H2AZ1: variants seen among roughly 807,000 people sequenced by gnomAD.
H2AZ1 encodes H2A.Z variant histone 1.
Under a neutral mutation model 16.6 loss-of-function variants are expected in H2AZ1, and 3 were observed. That is an observed-to-expected ratio of 0.18 (90% CI 0.08 to 0.47). The LOEUF (loss-of-function observed/expected upper bound fraction) is 0.47, where lower values mean the gene tolerates loss of function less well. Ranked by LOEUF, H2AZ1 falls within the 20% of genes least tolerant of loss-of-function variation. H2AZ1 has a pLI of 0.98. For synonymous variants in H2AZ1, 78 were observed against 60.7 expected (o/e 1.28, Z -1.32); for missense variants, 27 against 163.6 (o/e 0.17, Z 4.55).
intron 3 of H2AZ1, 26 bp from the exon 4 acceptor site, chr4:99,948,966 C>A: frequency 7.4e-7 from 1 of 1,356,874 alleles, no homozygotes; most frequent in Non-Finnish European, 1.1e-6. Context: ...TGTCAGTTGC[C>A]TTCCAACTTT....
Position 99,950,252 on chromosome 4 carries a change from T to C in H2AZ1, c.-82A>G. ...CGGTGAGATCCCACCACCTACTCCT[T>C]CGTCGCACCGCGATTCAAACTGCGC... On this transcript the variant is annotated 5_prime_UTR_variant, in exon 1 of 5. Coordinates refer to ENST00000296417, the MANE Select transcript of H2AZ1 (RefSeq NM_002106.4). 3 of 1,323,310 alleles carry C rather than the reference T, an allele frequency of 2.3e-6. No homozygotes were observed. Among genetic ancestry groups the C allele is most frequent in the Non-Finnish European group, 3.2e-6 (3 of 930,376 alleles). The allele number at this position is 1,323,310 out of a possible 1,614,324, so 82.0% of individuals were successfully genotyped here. A position where few individuals can be genotyped will look rare whatever the true frequency, so the allele number is the denominator to read the frequency against.
chr4:99,949,840 G>A, intron 1 of H2AZ1, 100 bp from the exon 2 acceptor site: 1 of 914,136 alleles, frequency 1.1e-6, no homozygotes, highest in Non-Finnish European at 1.6e-6. Flanking sequence ...CGCCGCGAGC[G>A]CGTCCCCGCA....
intron 1 of H2AZ1, 125 bp from the exon 2 acceptor site, chr4:99,949,865 C>T (rs1170012923): frequency 2.3e-6 from 1 of 428,102 alleles, no homozygotes; most frequent in Non-Finnish European, 3.5e-6. Flanking sequence ...GCCGGGGTCT[C>T]CGGCCCGCGG....
chr4:99,949,596 T>C, intron 2 of H2AZ1, 67 bp downstream of exon 2: 2 of 1,454,496 alleles, frequency 1.4e-6, no homozygotes, highest in Non-Finnish European at 1.9e-6. Context: ...TCGAGAGCGA[T>C]GAATAACAAA....
In H2AZ1 at chr4:99,950,210, A is replaced by G. The variant is rs768348413; in HGVS notation, c.-40T>C. The G allele has an allele frequency of 4.4e-6, 7 of 1,602,494 alleles. No homozygotes were observed. Among genetic ancestry groups the G allele is most frequent in the Non-Finnish European group, 6.0e-6 (7 of 1,173,762 alleles). On this transcript the variant is annotated 5_prime_UTR_variant, in exon 1 of 5. Transcript: ENST00000296417. ...AAGCTCAAGCAAGCAAGGCAGAGAA[A>G]AGGCTAATCGGACCCACGGTGAGAT...
At chr4:99,950,076 C>A in intron 1 of H2AZ1, 92 bp downstream of exon 1, 1 of 1,258,522 alleles carries the variant, frequency 7.9e-7, no homozygotes. Flanking sequence ...CGTTCCCAAC[C>A]GTCGCCACTT....
intron 4 of H2AZ1, 67 bp downstream of exon 4, chr4:99,948,744 C>T (rs911775248): frequency 6.5e-7 from 1 of 1,549,168 alleles, no homozygotes; most frequent in African/African-American, 1.4e-5. Flanking sequence ...CCTGGAAAAA[C>T]TAATTAAAAG....
chr4:99,949,958 G>A, intron 1 of H2AZ1: 1 of 250,342 alleles, frequency 4.0e-6, no homozygotes, highest in Non-Finnish European at 6.8e-6. Flanking sequence ...GGCCCCCAGC[G>A]GCGCTGCGCG....
At chr4:99,950,100 C>CT in intron 1 of H2AZ1, 68 bp downstream of exon 1, 1 of 1,538,316 alleles carries the variant, frequency 6.5e-7, no homozygotes, top group South Asian at 1.1e-5. Context: ...CCCCATCCCT[C>CT]TGTGTAACGG....
intron 1 of H2AZ1, 178 bp downstream of exon 1, chr4:99,949,990 C>A (rs1489374291): frequency 4.7e-6 from 2 of 427,220 alleles, no homozygotes; most frequent in African/African-American, 4.2e-5. Context: ...CGTCGCCGCC[C>A]GCCGCGAGAT....
chr4:99,949,720 C>T lies in H2AZ1; in HGVS notation c.24G>A (p.Lys8=), dbSNP rs1312059531. 1.1e-5 allele frequency: 18 copies of T among 1,612,394 alleles called. No individual in the cohort carries two copies. The highest frequency in any genetic ancestry group is 3.3e-5 in the South Asian group (3 of 91,052). MAGGKAG[K]DSGKAKTKAV... ...CCTTTGTCTTGGCCTTTCCGGAGTC[C>T]TTTCCAGCCTTACCGCCAGCCTGCG... The change falls in exon 2 of 5, where the codon AAG becomes AAA. Residue 8 remains lysine (K), a synonymous_variant. Coordinates refer to ENST00000296417, the MANE Select transcript of H2AZ1 (RefSeq NM_002106.4).
chr4:99,949,528 A>G (rs1240001522), intron 2 of H2AZ1, 135 bp downstream of exon 2: 1 of 1,005,226 alleles, frequency 9.9e-7, no homozygotes, highest in East Asian at 2.4e-5. Context: ...CCCCATATTT[A>G]TCGTATGGGC....
chr4:99,949,441 G>T (rs1377535033), intron 2 of H2AZ1, 55 bp from the exon 3 acceptor site: 1 of 1,228,964 alleles, frequency 8.1e-7, no homozygotes, highest in East Asian at 2.3e-5. Context: ...ACTAGAGATG[G>T]GGAAATTATA....
At chr4:99,950,122 G>C in intron 1 of H2AZ1, 46 bp downstream of exon 1, 1 of 1,599,010 alleles carries the variant, frequency 6.3e-7, no homozygotes, top group African/African-American at 1.3e-5. Context: ...TTTTTCTCTC[G>C]CCGGCAAAAA....
rs766610489 is a variant in H2AZ1, at chr4:99,949,258, C to G, written c.195+15G>C. ...CCCCAAACCTTCTCCGGATTATAGG[C>G]GTTCACCCATTTACCTCTGCGGTGA... On this transcript the variant is annotated intron_variant, in intron 3 of 4. Coordinates refer to ENST00000296417, the MANE Select transcript of H2AZ1 (RefSeq NM_002106.4). The G allele has an allele frequency of 6.9e-7, 1 of 1,456,108 alleles. No individual in the cohort carries two copies. The highest frequency in any genetic ancestry group is 9.6e-7 in the Non-Finnish European group (1 of 1,042,676). The allele number at this position is 1,456,108 out of a possible 1,614,324, so 90.2% of individuals were successfully genotyped here.
In H2AZ1 at chr4:99,948,637, T is replaced by A. The variant is rs547192018; in HGVS notation, c.326-114A>T. On this transcript the variant is annotated intron_variant, in intron 4 of 4. Coordinates refer to ENST00000296417, the MANE Select transcript of H2AZ1 (RefSeq NM_002106.4). The stretch of plus-strand genomic sequence containing the variant: ...AAAGGTATCTTTAAAAACATGCAGC[T>A]CAAGTATGAAGTAAAAATTCATTGA... The A allele has an allele frequency of 2.1e-4, 321 of 1,506,786 alleles. 3 individuals are homozygous for A. The South Asian group carries it at 4.0e-3, about 19-fold the overall frequency. The allele number at this position is 1,506,786 out of a possible 1,614,324, so 93.3% of individuals were successfully genotyped here. A position where few individuals can be genotyped will look rare whatever the true frequency, so the allele number is the denominator to read the frequency against.
intron 1 of H2AZ1, 169 bp from the exon 2 acceptor site, chr4:99,949,909 C>G (rs1189114953): frequency 9.9e-6 from 2 of 203,006 alleles, no homozygotes; most frequent in South Asian, 1.7e-4. Flanking sequence ...CGTTCGCCCC[C>G]CGCCGCGCGC....
Position 99,948,641 on chromosome 4 carries a change from G to A in H2AZ1, c.326-118C>T. On this transcript the variant is annotated intron_variant, in intron 4 of 4. Coordinates refer to ENST00000296417, the MANE Select transcript of H2AZ1 (RefSeq NM_002106.4). ...GTATCTTTAAAAACATGCAGCTCAAGTATGAAGTAAAAATTCATTGAGTTA... is the reference window on the plus strand; with the variant it reads ...GTATCTTTAAAAACATGCAGCTCAAATATGAAGTAAAAATTCATTGAGTTA... The A allele has an allele frequency of 4.7e-6, 7 of 1,497,514 alleles. No individual in the cohort carries two copies. The South Asian group carries it at 6.6e-5, about 14-fold the overall frequency. 92.8% of individuals were successfully genotyped at this position (1,497,514 alleles called of 1,614,324 possible).
Position 99,950,200 on chromosome 4 carries a change from A to C in H2AZ1, c.-30T>G, listed in dbSNP as rs1220970398. ...AATTCCGCTGAAGCTCAAGCAAGCA[A>C]GGCAGAGAAAAGGCTAATCGGACCC... On this transcript the variant is annotated 5_prime_UTR_variant, in exon 1 of 5. Transcript: ENST00000296417. The C allele has an allele frequency of 6.2e-7, 1 of 1,605,738 alleles. No individual in the cohort carries two copies. The highest frequency in any genetic ancestry group is 2.2e-5 in the East Asian group (1 of 44,824).
Sources: gnomAD v4.1 joint callset for allele counts on GRCh38, gnomAD v4.1.1 for gene constraint, MANE v1.5 for transcripts, NCBI Gene and HGNC (gene_info 2026-07-23, HGNC 2026-07-21) for gene names.